The following RRP7A variants were observed in gnomAD, a reference collection of about 807,000 sequenced individuals.
The protein encoded by RRP7A is ribosomal RNA processing 7 homolog A.
Under a neutral mutation model 38.4 loss-of-function variants are expected in RRP7A, and 27 were observed. The ratio of observed to expected loss-of-function variants is 0.70; its 90% CI spans 0.52 to 0.97. The LOEUF (loss-of-function observed/expected upper bound fraction) is 0.97, where lower values mean the gene tolerates loss of function less well. Among genes scored for constraint, RRP7A ranks in the 50% least tolerant of loss-of-function variants. The pLI, the probability that RRP7A is intolerant of heterozygous loss-of-function variation, is 0.00. For missense variants in RRP7A, 327 were observed against 375.4 expected (o/e 0.87, Z 1.07); for synonymous variants, 124 against 150.3 (o/e 0.83, Z 1.28).
intron 2 of RRP7A, among the ~76,000 whole-genome samples, chr22:42,517,632 G>C (rs1920934218): frequency 6.6e-6 from 1 of 152,064 alleles, no homozygotes; most frequent in Non-Finnish European, 1.5e-5. Context: ...GGATTCTCAT[G>C]CCTCAGCTTC....
chr22:42,516,480 T>C, intron 2 of RRP7A: 1 of 379,140 alleles, frequency 2.6e-6, no homozygotes, highest in Admixed American at 3.4e-5. Context: ...ACGTGGCTAA[T>C]TTTTGTATTT....
At position 42,510,337 on chromosome 22, in the gene RRP7A, G is replaced by T; in HGVS notation, c.*2573C>A. 1 of 172,334 alleles carries T rather than the reference G, an allele frequency of 5.8e-6. No homozygotes were observed. 10.7% of individuals were successfully genotyped at this position (172,334 alleles called of 1,614,324 possible). On this transcript the variant is annotated 3_prime_UTR_variant, in exon 7 of 7. Transcript: ENST00000323013. ...AGAGCAAGTGTGGGCTCCAGCGCCT[G>T]TTCAGATCCCAGCTCTGCTGTTCAG...
chr22:42,516,779 G>A (rs1037930473), intron 2 of RRP7A, among the ~76,000 whole-genome samples: 1 of 152,186 alleles, frequency 6.6e-6, no homozygotes, highest in Non-Finnish European at 1.5e-5. Context: ...GTGCTGCTGT[G>A]TCTCCACCTG....
Position 42,512,479 on chromosome 22 carries a change from G to GAGGA in RRP7A, c.*427_*430dup. On this transcript the variant is annotated 3_prime_UTR_variant, in exon 7 of 7. Coordinates refer to ENST00000323013, the MANE Select transcript of RRP7A (RefSeq NM_015703.5). ...CTGGCTAATAATCTCCAGCCAGCTGGAGGAAGGAAGGGCGGGCTGGGCCCA... is the reference window on the plus strand; with the variant it reads ...CTGGCTAATAATCTCCAGCCAGCTGGAGGAAGGAAGGAAGGGCGGGCTGGGCCCA... 1 of 571,908 alleles carries GAGGA rather than the reference G, an allele frequency of 1.7e-6. No homozygotes were observed. Among genetic ancestry groups the GAGGA allele is most frequent in the East Asian group, 3.0e-5 (1 of 33,422 alleles). The allele number at this position is 571,908 out of a possible 1,614,324, so 35.4% of individuals were successfully genotyped here. A position where few individuals can be genotyped will look rare whatever the true frequency, so the allele number is the denominator to read the frequency against.
In RRP7A at chr22:42,509,709, C is replaced by T. The variant is rs1932385056; in HGVS notation, c.*3201G>A. 6.6e-6 allele frequency among the ~76,000 whole-genome samples: 1 copy of T among 151,912 alleles called. No individual in the cohort carries two copies. Among genetic ancestry groups the T allele is most frequent in the South Asian group, 2.1e-4 (1 of 4,820 alleles). On this transcript the variant is annotated 3_prime_UTR_variant, in exon 7 of 7. Coordinates refer to ENST00000323013, the MANE Select transcript of RRP7A (RefSeq NM_015703.5). ...GCATGGATGAGCCTTGAAAACATCGCACTAAGTGGATGAAGTCAGACACAA... is the reference window on the plus strand; with the variant it reads ...GCATGGATGAGCCTTGAAAACATCGTACTAAGTGGATGAAGTCAGACACAA...
intron 1 of RRP7A, among the ~76,000 whole-genome samples, 192 bp downstream of exon 1, chr22:42,519,522 A>C (rs1259587729): frequency 6.6e-6 from 1 of 152,104 alleles, no homozygotes. Context: ...CGGGAGAGTG[A>C]GCAGGCAGAA....
Position 42,509,474 on chromosome 22 carries a change from AG to A in RRP7A, c.*3435del, listed in dbSNP as rs1165961391. Among the ~76,000 whole-genome samples, 1 of 150,452 alleles carries A rather than the reference AG, an allele frequency of 6.6e-6. No homozygotes were observed. The highest frequency in any genetic ancestry group is 2.4e-5 in the African/African-American group (1 of 41,148). On this transcript the variant is annotated 3_prime_UTR_variant, in exon 7 of 7. Coordinates refer to ENST00000323013, the MANE Select transcript of RRP7A (RefSeq NM_015703.5). The stretch of plus-strand genomic sequence containing the variant: ...CAGCCTCCCGAGTAGCTGGGACTAC[AG>A]GCGCCCGCCACCACGCCTGGCTTAT...
Position 42,518,061 on chromosome 22 carries a change from T to A in RRP7A, c.160A>T (p.Thr54Ser), listed in dbSNP as rs755578639. The change falls in exon 2 of 7, where the codon ACC becomes TCC. Residue 54 changes from threonine to serine, a missense_variant. Coordinates refer to ENST00000323013, the MANE Select transcript of RRP7A (RefSeq NM_015703.5). ...AAAAGAGTCCTCTTCTGAGGCCAGGTGGACTTGGTGCCTTGTCGAACGCCG... is the reference window on the plus strand; with the variant it reads ...AAAAGAGTCCTCTTCTGAGGCCAGGAGGACTTGGTGCCTTGTCGAACGCCG... ...AHGVRQGTKS[T>S]WPQKRTLFVL... 1.9e-6 allele frequency: 3 copies of A among 1,613,950 alleles called. No homozygotes were observed. In the African/African-American group the frequency reaches 4.0e-5, roughly 22 times the overall value.
At position 42,516,119 on chromosome 22, in the gene RRP7A, G is replaced by C. The variant is rs750402300; in HGVS notation, c.234C>G (p.Leu78=). ...ACTGGACGAGGCCACAGGTGGACAGGAGGCGGGACAGGCTCTCCTGCCGCA... is the reference window on the plus strand; with the variant it reads ...ACTGGACGAGGCCACAGGTGGACAGCAGGCGGGACAGGCTCTCCTGCCGCA... ...PYCTEESLSR[L]LSTCGLVQSV... Residue 78 remains leucine (L), a synonymous_variant, in exon 3 of 7, where the codon CTC becomes CTG. Coordinates refer to ENST00000323013, the MANE Select transcript of RRP7A (RefSeq NM_015703.5). The C allele has an allele frequency of 6.2e-7, 1 of 1,613,436 alleles. No individual in the cohort carries two copies. The highest frequency in any genetic ancestry group is 1.1e-5 in the South Asian group (1 of 91,064).
Position 42,518,134 on chromosome 22 carries a change from C to T in RRP7A, c.87G>A (p.Lys29=), listed in dbSNP as rs760268138. 1.2e-6 allele frequency: 2 copies of T among 1,613,034 alleles called. No individual in the cohort carries two copies. The highest frequency in any genetic ancestry group is 2.2e-5 in the East Asian group (1 of 44,876). Residue 29 remains lysine (K), a synonymous_variant, in exon 2 of 7, where the codon AAG becomes AAA. Transcript: ENST00000323013. ...SPLGYAAIPI[K]FSEKQQASHY... ...GAGAAGCCTGTTGCTTTTCAGAGAA[C>T]TTGATTGGAATAGCTGGAAAGGAAA...
At chr22:42,514,379 C>G in intron 5 of RRP7A, 75 bp from the exon 6 acceptor site, 1 of 1,116,966 alleles carries the variant, frequency 9.0e-7, no homozygotes. Context: ...CGCCCTCCTC[C>G]CAAAGTCAGA....
chr22:42,514,137 G>A lies in RRP7A; in HGVS notation c.726C>T (p.Tyr242=), dbSNP rs182534660. 3.0e-5 allele frequency: 49 copies of A among 1,613,406 alleles called. No homozygotes were observed. The highest frequency in any genetic ancestry group is 1.9e-4 in the African/African-American group (14 of 75,032). The part of the protein sequence containing the change: ...KRSRKELLNF[Y]AWQHRESKME... ...TCTTGCTCTCTCGATGCTGCCAGGC[G>A]TAGAAGTTGAGCAGCTCTTTTCGGC... is the stretch of plus-strand genomic sequence containing the variant. Residue 242 remains tyrosine (Y), a synonymous_variant, in exon 6 of 7, where the codon TAC becomes TAT. Transcript: ENST00000323013.
At chr22:42,517,672 A>G (rs1028051737) in intron 2 of RRP7A, among the ~76,000 whole-genome samples, 8 of 152,084 alleles carry the variant, frequency 5.3e-5, no homozygotes, top group Non-Finnish European at 1.2e-4. Flanking sequence ...CACACATGCC[A>G]TCATGCCTGG....
At position 42,509,124 on chromosome 22, in the gene RRP7A, C is replaced by T. The variant is rs764186188; in HGVS notation, c.*3786G>A. The stretch of plus-strand genomic sequence containing the variant: ...CCTGTTGATCAAGTGAGTCTGGACC[C>T]ATCCCCTTCAGTCACCCCCCAAGGA... On this transcript the variant is annotated 3_prime_UTR_variant, in exon 7 of 7. Transcript: ENST00000323013. 6.2e-7 allele frequency: 1 copy of T among 1,614,084 alleles called. No individual in the cohort carries two copies. The highest frequency in any genetic ancestry group is 8.5e-7 in the Non-Finnish European group (1 of 1,179,946).
At position 42,512,262 on chromosome 22, in the gene RRP7A, C is replaced by G. The variant is rs1227416650; in HGVS notation, c.*648G>C. 354 of 1,604,264 alleles carry G rather than the reference C, an allele frequency of 2.2e-4. No homozygotes were observed. The highest frequency in any genetic ancestry group is 2.9e-4 in the Non-Finnish European group (341 of 1,172,128). On this transcript the variant is annotated 3_prime_UTR_variant, in exon 7 of 7. Coordinates refer to ENST00000323013, the MANE Select transcript of RRP7A (RefSeq NM_015703.5). Reference sequence around the variant, plus strand: ...GCTCTGGGCCTGGAACTATGAAGACCTAGTGCTCCCAGACTCAACACTGGG... The same window carrying G: ...GCTCTGGGCCTGGAACTATGAAGACGTAGTGCTCCCAGACTCAACACTGGG...
rs1409227261 is a variant in RRP7A at position 42,508,391 on chromosome 22, A to G, written c.*4519T>C. Among the ~76,000 whole-genome samples the G allele has an allele frequency of 6.6e-6, 1 of 151,866 alleles. No homozygotes were observed. Among genetic ancestry groups the G allele is most frequent in the Non-Finnish European group, 1.5e-5 (1 of 68,014 alleles). Reference sequence around the variant, plus strand: ...CATCCACAATGTGATTTAAGATGTAATCAACATAAAGCTTGATTGCATTAT... The same window carrying G: ...CATCCACAATGTGATTTAAGATGTAGTCAACATAAAGCTTGATTGCATTAT... On this transcript the variant is annotated 3_prime_UTR_variant, in exon 7 of 7. Coordinates refer to ENST00000323013, the MANE Select transcript of RRP7A (RefSeq NM_015703.5).
At chr22:42,515,385 C>T in intron 3 of RRP7A, 117 bp from the exon 4 acceptor site, 1 of 702,530 alleles carries the variant, frequency 1.4e-6, no homozygotes. Flanking sequence ...CTAGGCTATT[C>T]CTGAGCCATG....
chr22:42,511,443 G>T lies in RRP7A; in HGVS notation c.*1467C>A. 1 of 153,064 alleles carries T rather than the reference G, an allele frequency of 6.5e-6. No individual in the cohort carries two copies. The highest frequency in any genetic ancestry group is 1.5e-5 in the Non-Finnish European group (1 of 68,632). 9.5% of individuals were successfully genotyped at this position (153,064 alleles called of 1,614,324 possible). The stretch of plus-strand genomic sequence containing the variant: ...GCCCACCTTGGCCTCCCAAAGTGCT[G>T]GTTTTGCAGATGGGAGCCACCATGC... On this transcript the variant is annotated 3_prime_UTR_variant, in exon 7 of 7. Transcript: ENST00000323013.
chr22:42,518,658 C>A (rs1204576045), intron 1 of RRP7A: 2 of 470,608 alleles, frequency 4.2e-6, no homozygotes, highest in African/African-American at 2.0e-5. Context: ...GCCTTAGCAT[C>A]ACCTCCGCCC....
Sources: allele counts gnomAD v4.1 joint callset (sites outside exome capture counted in the v4.1 genomes callset), GRCh38; gene constraint gnomAD v4.1.1; transcripts MANE v1.5; gene names NCBI Gene and HGNC (gene_info 2026-07-23, HGNC 2026-07-21).